The following UBTD1 variants were observed in gnomAD, a reference collection of about 807,000 sequenced individuals.
UBTD1 encodes ubiquitin domain-containing protein 1.
A neutral mutation model predicts 21.7 loss-of-function variants in UBTD1; 19 were observed. The ratio of observed to expected loss-of-function variants is 0.87; its 90% CI spans 0.61 to 1.28. UBTD1 has a LOEUF of 1.28. UBTD1 is among the 50% of genes most tolerant of loss of function. The pLI, the probability that UBTD1 is intolerant of heterozygous loss-of-function variation, is 0.00. For synonymous variants in UBTD1, 116 were observed against 135.1 expected, an observed-to-expected ratio of 0.86 and a Z score of 0.98; for missense variants, 282 against 315.1, an observed-to-expected ratio of 0.89 and a Z score of 0.80.
Position 97,570,917 on chromosome 10 carries a change from T to C in UBTD1, c.*394T>C, listed in dbSNP as rs576314549. ...GTCTCCCTCCTCTGCCCCCATCCCC[T>C]GGCTCTCCCCTGGGCACAGTGCCAC... On this transcript the variant is annotated 3_prime_UTR_variant, in exon 3 of 3. Transcript: ENST00000370664. This position sits in a 1 kb window ranked among gnomAD's most constrained non-coding sequence, Gnocchi z 6.6. 438 of 189,574 alleles carry C rather than the reference T, an allele frequency of 2.3e-3. 1 individual carries two copies. The highest frequency in any genetic ancestry group is 3.5e-3 in the Non-Finnish European group (311 of 88,810). 11.7% of individuals were successfully genotyped at this position (189,574 alleles called of 1,614,324 possible). A position where few individuals can be genotyped will look rare whatever the true frequency, so the allele number is the denominator to read the frequency against.
At chr10:97,529,680 G>A (rs2135669374) in intron 1 of UBTD1, among the ~76,000 whole-genome samples, 1 of 152,338 alleles carries the variant, frequency 6.6e-6, no homozygotes, top group South Asian at 2.1e-4. Context: ...GTTGCAGTGA[G>A]CCGAGATGGC....
chr10:97,527,329 GAA>G (rs987252070), intron 1 of UBTD1, among the ~76,000 whole-genome samples: 1 of 151,716 alleles, frequency 6.6e-6, no homozygotes, highest in African/African-American at 2.4e-5. Flanking sequence ...ATTTCAAAAA[GAA>G]AAAGAGTGCC....
At chr10:97,563,882 A>T (rs530345278) in intron 1 of UBTD1, among the ~76,000 whole-genome samples, 2 of 152,184 alleles carry the variant, frequency 1.3e-5, no homozygotes, top group Non-Finnish European at 2.9e-5. Flanking sequence ...TATTAGGCTT[A>T]TAAGGATTAC....
chr10:97,516,448 C>T (rs912360844), intron 1 of UBTD1, among the ~76,000 whole-genome samples: 1 of 152,168 alleles, frequency 6.6e-6, no homozygotes, highest in African/African-American at 2.4e-5. Context: ...GGAGGCTGCC[C>T]CTTTCAGGGC....
chr10:97,561,277 C>A (rs1160070392), intron 1 of UBTD1, among the ~76,000 whole-genome samples: 1 of 152,120 alleles, frequency 6.6e-6, no homozygotes, highest in Non-Finnish European at 1.5e-5. Flanking sequence ...TGAGGGGCTG[C>A]CTCAGCCGTC....
intron 1 of UBTD1, among the ~76,000 whole-genome samples, chr10:97,524,513 G>A (rs2135665440): frequency 6.6e-6 from 1 of 152,252 alleles, no homozygotes; most frequent in Non-Finnish European, 1.5e-5. Flanking sequence ...CCTCCTGGAG[G>A]CACCAAGACA....
chr10:97,559,145 C>T (rs573374119), intron 1 of UBTD1, among the ~76,000 whole-genome samples: 365 of 152,320 alleles, frequency 2.4e-3, no homozygotes, highest in Middle Eastern at 0.024. Context: ...TGTTGGGAGA[C>T]GGAAGCTGGA....
At chr10:97,517,233 T>C (rs2040448378) in intron 1 of UBTD1, among the ~76,000 whole-genome samples, 1 of 151,740 alleles carries the variant, frequency 6.6e-6, no homozygotes, top group South Asian at 2.1e-4. Context: ...TGGTAGGGGC[T>C]CTGGGGAGGG....
chr10:97,547,826 A>C (rs768907951), intron 1 of UBTD1, among the ~76,000 whole-genome samples: 1 of 152,138 alleles, frequency 6.6e-6, no homozygotes, highest in Non-Finnish European at 1.5e-5. Context: ...TGGCCTCCCA[A>C]GTGCTGGGAT....
chr10:97,513,436 G>C (rs183497321), intron 1 of UBTD1, among the ~76,000 whole-genome samples: 1 of 152,318 alleles, frequency 6.6e-6, no homozygotes, highest in South Asian at 2.1e-4. Flanking sequence ...GGGAGCTCGA[G>C]TTACGGAGGG....
chr10:97,567,902 T>C lies in UBTD1; in HGVS notation c.71-12T>C. 6.2e-7 allele frequency: 1 copy of C among 1,613,934 alleles called. No homozygotes were observed. Among genetic ancestry groups the C allele is most frequent in the Non-Finnish European group, 8.5e-7 (1 of 1,179,920 alleles). ...TTTAGAGATGCTGAGCCTCTCCTTC[T>C]GTCCTGCCCAGGACGCAATGAGCCC... On this transcript the variant is annotated splice_polypyrimidine_tract_variant and intron_variant, in intron 1 of 2. Transcript: ENST00000370664.
At chr10:97,540,829 G>A (rs888866399) in intron 1 of UBTD1, among the ~76,000 whole-genome samples, 3 of 152,254 alleles carry the variant, frequency 2.0e-5, no homozygotes, top group South Asian at 2.1e-4. Context: ...GGAGGCAGAC[G>A]TGGGCATTGC....
chr10:97,551,433 G>A (rs749765889), intron 1 of UBTD1, among the ~76,000 whole-genome samples: 12 of 152,120 alleles, frequency 7.9e-5, no homozygotes, highest in Non-Finnish European at 1.3e-4. Context: ...GCACAATTGC[G>A]GAAACGCATG....
chr10:97,513,335 TAG>T (rs1398449003), intron 1 of UBTD1, among the ~76,000 whole-genome samples: 1 of 152,218 alleles, frequency 6.6e-6, no homozygotes, highest in Non-Finnish European at 1.5e-5. Context: ...AGACAGCATG[TAG>T]ACAAGTGCTA....
chr10:97,504,059 C>T (rs1408816543), intron 1 of UBTD1, among the ~76,000 whole-genome samples: 4 of 152,112 alleles, frequency 2.6e-5, no homozygotes, highest in African/African-American at 4.8e-5. Flanking sequence ...GCCAAGGCCC[C>T]TAAAATTCTC....
intron 1 of UBTD1, among the ~76,000 whole-genome samples, chr10:97,530,200 T>TTGAATGAA (rs113236509): frequency 0.25 from 37,802 of 151,258 alleles, 5,737 homozygotes; most frequent in Non-Finnish European, 0.35. Flanking sequence ...TACATGTTTC[T>TTGAATGAA]TGAATGAATG....
intron 1 of UBTD1, among the ~76,000 whole-genome samples, chr10:97,507,618 CAA>C (rs904060424): frequency 1.3e-5 from 2 of 150,016 alleles, no homozygotes; most frequent in Admixed American, 1.3e-4. Flanking sequence ...ACTAAAAATA[CAA>C]AAAAAATTAG....
intron 1 of UBTD1, among the ~76,000 whole-genome samples, chr10:97,524,681 TG>T (rs2040480581): frequency 6.6e-6 from 1 of 152,244 alleles, no homozygotes; most frequent in Non-Finnish European, 1.5e-5. Context: ...TCTCATGTAA[TG>T]GCCCTGATGT....
intron 1 of UBTD1, among the ~76,000 whole-genome samples, chr10:97,530,490 A>G (rs773106087): frequency 6.6e-6 from 1 of 152,224 alleles, no homozygotes; most frequent in Non-Finnish European, 1.5e-5. Flanking sequence ...TATTTGCTCA[A>G]TAAATATTTA....
Sources: gnomAD v4.1 joint callset for allele counts (sites outside exome capture counted in the v4.1 genomes callset) on GRCh38, gnomAD v4.1.1 for gene constraint, Gnocchi (gnomAD v3.1) non-coding constraint, MANE v1.5 for transcripts, NCBI Gene and HGNC (gene_info 2026-07-23, HGNC 2026-07-21) for gene names.